Variants in FAM169A observed in about 807,000 individuals in gnomAD.
FAM169A encodes family with sequence similarity 169 member A, also known as soluble lamin-associated protein of 75 kDa.
FAM169A carries 24 observed loss-of-function variants against 75.7 expected under a neutral mutation model. The observed-to-expected ratio is 0.32, with a 90% CI of 0.23 to 0.45. FAM169A has a LOEUF of 0.45. Among genes scored for constraint, FAM169A ranks in the 20% least tolerant of loss-of-function variants. The probability of loss-of-function intolerance (pLI) is 1.00; values close to 1 mark genes in which losing one functional copy is unlikely to be tolerated. For missense variants in FAM169A, 673 were observed against 784.0 expected (o/e 0.86, Z 1.69); for synonymous variants, 271 against 271.0 (o/e 1.00, Z 0.00).
At chr5:74,866,661 T>A (rs1750367070), upstream of FAM169A, 2 of 864,234 alleles carry the variant, frequency 2.3e-6, no homozygotes, top group Non-Finnish European at 2.8e-6. Context: ...GGCCTGGTAT[T>A]AAAGAGTGAC....
intron 5 of FAM169A, among the ~76,000 whole-genome samples, chr5:74,823,421 C>A (rs1747862624): frequency 6.6e-6 from 1 of 152,204 alleles, no homozygotes; most frequent in South Asian, 2.1e-4. Context: ...TCACACCTCC[C>A]TCCAGGCAAA....
chr5:74,781,633 G>T lies in FAM169A; in HGVS notation c.1840C>A (p.Gln614Lys). The T allele has an allele frequency of 6.2e-7, 1 of 1,614,098 alleles. No homozygotes were observed. The highest frequency in any genetic ancestry group is 8.5e-7 in the Non-Finnish European group (1 of 1,179,990). Residue 614 changes from glutamine (Q) to lysine (K), a missense_variant, in exon 13 of 13, where the codon CAG becomes AAG. By Grantham distance (53) the Gln-to-Lys change is moderately conservative. Transcript: ENST00000687041. ...AGTTGCTCGGAAGATGCTTCAGACT[G>T]CTCCTCTGACTGATTCTTCTGTCCT... Reference protein sequence around the residue: ...NAGQKNQSEEQSEASSEQLDQ... With the variant: ...NAGQKNQSEEKSEASSEQLDQ...
chr5:74,842,345 C>T (rs1426187426), intron 1 of FAM169A, among the ~76,000 whole-genome samples: 3 of 136,944 alleles, frequency 2.2e-5, no homozygotes, highest in Admixed American at 8.2e-5. Context: ...TGCTTGAACC[C>T]GGGAGGCAGA....
intron 11 of FAM169A, among the ~76,000 whole-genome samples, chr5:74,794,149 A>G (rs910453441): frequency 1.3e-5 from 2 of 149,686 alleles, no homozygotes; most frequent in African/African-American, 4.9e-5. Context: ...CCTGGCAAAC[A>G]TGATGAAACC....
intron 10 of FAM169A, among the ~76,000 whole-genome samples, chr5:74,797,349 G>C (rs1275081464): frequency 6.6e-6 from 1 of 152,074 alleles, no homozygotes; most frequent in Non-Finnish European, 1.5e-5. Context: ...GCTAATTTTT[G>C]TATTTTTAGT....
At chr5:74,795,513 A>C (rs1746223727) in intron 11 of FAM169A, among the ~76,000 whole-genome samples, 1 of 150,550 alleles carries the variant, frequency 6.6e-6, no homozygotes, top group African/African-American at 2.5e-5. Flanking sequence ...CTTAGTTACC[A>C]AGGGTTTATA....
chr5:74,781,717 G>T lies in FAM169A; in HGVS notation c.1756C>A (p.Leu586Ile). Residue 586 changes from leucine (L) to isoleucine (I), a missense_variant, in exon 13 of 13, where the codon CTT becomes ATT. By Grantham distance (5) the Leu-to-Ile change is conservative (BLOSUM62 2). Transcript: ENST00000687041. ...ACCTCTATCAAAGAACTCTGAGGAA[G>T]AGCAGTAGATGTTTCCTGGGGCTCA... ...VSEPQETSTA[L>I]PQSSLIEVEL... is the part of the protein sequence containing the mutation. 6.2e-7 allele frequency: 1 copy of T among 1,614,188 alleles called. No individual in the cohort carries two copies. Among genetic ancestry groups the T allele is most frequent in the Non-Finnish European group, 8.5e-7 (1 of 1,180,012 alleles).
chr5:74,791,464 T>C (rs536552189), intron 11 of FAM169A, among the ~76,000 whole-genome samples: 22 of 151,276 alleles, frequency 1.5e-4, no homozygotes, highest in African/African-American at 5.2e-4. Context: ...GACACAACAA[T>C]GATTCCATTA....
rs1455783329 is a variant in FAM169A, at chr5:74,781,453, T to A, written c.*7A>T. The A allele has an allele frequency of 1.2e-6, 2 of 1,605,916 alleles. No individual in the cohort carries two copies. The highest frequency in any genetic ancestry group is 2.7e-5 in the African/African-American group (2 of 74,376). On this transcript the variant is annotated 3_prime_UTR_variant, in exon 13 of 13. Transcript: ENST00000687041. ...GAAGAGGATTTATCATCCACTTTCT[T>A]CTTCCTTCAGGTCAGCTTAGCTTTC...
intron 5 of FAM169A, among the ~76,000 whole-genome samples, chr5:74,822,993 C>A (rs139269613): frequency 1.3e-5 from 2 of 152,212 alleles, no homozygotes; most frequent in African/African-American, 4.8e-5. Flanking sequence ...CCTACTGGTG[C>A]TTTCCTAGTT....
intron 1 of FAM169A, among the ~76,000 whole-genome samples, chr5:74,847,561 C>T (rs1390477471): frequency 6.6e-6 from 1 of 152,028 alleles, no homozygotes; most frequent in Non-Finnish European, 1.5e-5. Flanking sequence ...CCTATGAAAC[C>T]ACCAATTTGG....
In FAM169A at chr5:74,800,104, C is replaced by T. The variant is rs1249380761; in HGVS notation, c.1103+776G>A. 4.5e-5 allele frequency: 27 copies of T among 602,698 alleles called. No homozygotes were observed. In the East Asian group the frequency reaches 4.7e-4, roughly 10 times the overall value. The allele number at this position is 602,698 out of a possible 1,614,324, so 37.3% of individuals were successfully genotyped here. ...AGCTGAGTGAGCCTCCGCCATCCAG[C>T]GTGACAAACTATGGCTGACTGCAGC... On this transcript the variant is annotated intron_variant, in intron 10 of 12. Coordinates refer to ENST00000687041, the MANE Select transcript of FAM169A (RefSeq NM_001376049.1).
chr5:74,794,192 A>G (rs944647614), intron 11 of FAM169A, among the ~76,000 whole-genome samples: 19 of 148,774 alleles, frequency 1.3e-4, no homozygotes, highest in Admixed American at 7.4e-4. Context: ...CAGGAGATCA[A>G]GACCATCCTG....
At chr5:74,837,273 G>A (rs1341490477) in intron 4 of FAM169A, among the ~76,000 whole-genome samples, 1 of 151,816 alleles carries the variant, frequency 6.6e-6, no homozygotes, top group South Asian at 2.1e-4. Flanking sequence ...CTCCTTTATT[G>A]CTATCTACTC....
chr5:74,825,275 C>A (rs1279473325), intron 5 of FAM169A, among the ~76,000 whole-genome samples: 1 of 152,130 alleles, frequency 6.6e-6, no homozygotes. Flanking sequence ...CTAGATCAGT[C>A]AATCTTTAGA....
intron 1 of FAM169A, among the ~76,000 whole-genome samples, chr5:74,851,798 T>C (rs540082427): frequency 1.3e-5 from 2 of 152,286 alleles, no homozygotes; most frequent in Admixed American, 1.3e-4. Flanking sequence ...AATCATAAAA[T>C]TGTGTCCATT....
chr5:74,784,549 AGT>A, intron 11 of FAM169A, among the ~76,000 whole-genome samples: 3 of 141,438 alleles, frequency 2.1e-5, no homozygotes, highest in African/African-American at 8.1e-5. Context: ...AAAGTGCAAT[AGT>A]ATTATAAAGT....
chr5:74,783,955 C>T (rs184888422), intron 11 of FAM169A, among the ~76,000 whole-genome samples: 4 of 152,116 alleles, frequency 2.6e-5, no homozygotes, highest in East Asian at 1.9e-4. Context: ...AGAGAAATCA[C>T]GGTTTTTAAT....
intron 5 of FAM169A, among the ~76,000 whole-genome samples, chr5:74,830,442 T>C (rs1378115677): frequency 1.3e-5 from 2 of 152,174 alleles, no homozygotes; most frequent in Non-Finnish European, 2.9e-5. Flanking sequence ...GAAGATGTGC[T>C]CTAATCCCAC....
Sources: gnomAD v4.1 joint callset for allele counts (sites outside exome capture counted in the v4.1 genomes callset) on GRCh38, gnomAD v4.1.1 for gene constraint, MANE v1.5 for transcripts, NCBI Gene and HGNC (gene_info 2026-07-23, HGNC 2026-07-21) for gene names.